Variants in THEMIS observed in about 807,000 individuals in gnomAD.
The protein encoded by THEMIS is protein THEMIS.
Under a neutral mutation model 52.6 loss-of-function variants are expected in THEMIS, and 37 were observed. The ratio of observed to expected loss-of-function variants is 0.70; its 90% confidence interval spans 0.54 to 0.93. THEMIS has a LOEUF of 0.93. Ranked by LOEUF, THEMIS falls within the 40% of genes least tolerant of loss-of-function variation. THEMIS has a pLI of 0.00. For missense variants in THEMIS, 808 were observed against 763.1 expected, an observed-to-expected ratio of 1.06 and a Z score of -0.69; for synonymous variants, 292 against 272.7, an observed-to-expected ratio of 1.07 and a Z score of -0.70.
At chr6:127,744,784 C>T (rs1006778547) in intron 4 of THEMIS, among the ~76,000 whole-genome samples, 7 of 151,714 alleles carry the variant, frequency 4.6e-5, no homozygotes, top group Non-Finnish European at 8.8e-5. Flanking sequence ...ACGATACAAT[C>T]CTGTGCATTT....
intron 1 of THEMIS, among the ~76,000 whole-genome samples, chr6:127,879,939 C>A (rs1277383761): frequency 6.6e-6 from 1 of 152,142 alleles, no homozygotes; most frequent in African/African-American, 2.4e-5. Flanking sequence ...GCGAAGCCCA[C>A]CCTGCCCAGA....
At chr6:127,845,513 C>T (rs1390893293) in intron 2 of THEMIS, among the ~76,000 whole-genome samples, 1 of 151,534 alleles carries the variant, frequency 6.6e-6, no homozygotes, top group East Asian at 1.9e-4. Context: ...AACTAACAAC[C>T]TGTAATCACG....
chr6:127,896,312 CAT>C (rs1450560338), intron 1 of THEMIS, among the ~76,000 whole-genome samples: 1 of 150,392 alleles, frequency 6.6e-6, no homozygotes, highest in Non-Finnish European at 1.5e-5. Context: ...GTACACATAA[CAT>C]ATACAAAATG....
Position 127,812,866 on chromosome 6 carries a change from CA to C in THEMIS, c.1758+16del. 6.4e-7 allele frequency: 1 copy of C among 1,551,492 alleles called. No homozygotes were observed. Among genetic ancestry groups the C allele is most frequent in the Non-Finnish European group, 8.7e-7 (1 of 1,149,944 alleles). On this transcript the variant is annotated intron_variant, in intron 4 of 5. Coordinates refer to ENST00000368248, the MANE Select transcript of THEMIS (RefSeq NM_001010923.3). ...GGAACACACTCCAGAGAAAACATTG[CA>C]AAACCATAGCCTTACCTTGGGAGAC...
intron 4 of THEMIS, among the ~76,000 whole-genome samples, chr6:127,736,880 G>A (rs1775027844): frequency 6.8e-6 from 1 of 146,280 alleles, no homozygotes; most frequent in South Asian, 2.2e-4. Flanking sequence ...AAAAATATTT[G>A]TCTGCTTCTC....
chr6:127,826,847 C>T (rs965189549), intron 3 of THEMIS, among the ~76,000 whole-genome samples: 4 of 152,040 alleles, frequency 2.6e-5, no homozygotes, highest in African/African-American at 9.7e-5. Context: ...TTTTCTAAAT[C>T]ATTAAATGTG....
chr6:127,890,236 T>C (rs913945139), intron 1 of THEMIS, among the ~76,000 whole-genome samples: 2 of 152,136 alleles, frequency 1.3e-5, no homozygotes, highest in African/African-American at 4.8e-5. Context: ...AATCACTGGG[T>C]CACATGATAA....
At chr6:127,905,292 A>T (rs1781241037), upstream of THEMIS, among the ~76,000 whole-genome samples, 2 of 152,190 alleles carry the variant, frequency 1.3e-5, no homozygotes, top group East Asian at 1.9e-4. Flanking sequence ...CACCAATAAG[A>T]TGATAGCTGA....
intron 2 of THEMIS, among the ~76,000 whole-genome samples, chr6:127,835,117 A>G (rs1562289248): frequency 1.3e-5 from 2 of 151,874 alleles, no homozygotes; most frequent in African/African-American, 4.9e-5. Flanking sequence ...TAGAGGTATC[A>G]GGGCTAGAAA....
chr6:127,777,528 AC>A, intron 4 of THEMIS, among the ~76,000 whole-genome samples: 2 of 152,306 alleles, frequency 1.3e-5, no homozygotes, highest in East Asian at 3.9e-4. Flanking sequence ...CCTAATAAGG[AC>A]TAAGTCTTTA....
chr6:127,785,067 TCTAC>T (rs777172103), intron 4 of THEMIS, among the ~76,000 whole-genome samples: 13 of 151,688 alleles, frequency 8.6e-5, no homozygotes, highest in Non-Finnish European at 1.6e-4. Flanking sequence ...TACTTATCTA[TCTAC>T]CTATCATCTA....
intron 5 of THEMIS, among the ~76,000 whole-genome samples, chr6:127,718,458 A>C (rs1388209644): frequency 6.6e-6 from 1 of 151,938 alleles, no homozygotes; most frequent in Non-Finnish European, 1.5e-5. Context: ...CAAGGCACAA[A>C]GCTGGGACTA....
chr6:127,830,332 T>A (rs889288590), intron 2 of THEMIS, among the ~76,000 whole-genome samples: 1 of 152,214 alleles, frequency 6.6e-6, no homozygotes, highest in African/African-American at 2.4e-5. Context: ...AGCTTTTTTA[T>A]GAATATATTC....
intron 4 of THEMIS, among the ~76,000 whole-genome samples, chr6:127,743,668 G>T (rs72965782): frequency 0.039 from 5,977 of 152,116 alleles, 144 homozygotes; most frequent in Middle Eastern, 0.065. Flanking sequence ...GTGCCCCCAG[G>T]CTGCTTCACA....
At chr6:127,902,790 A>G (rs12525721), upstream of THEMIS, among the ~76,000 whole-genome samples, 25,287 of 152,006 alleles carry the variant, frequency 0.17, 2,610 homozygotes, top group East Asian at 0.38. Context: ...AGTGTATTTC[A>G]TGTGGATGAA....
chr6:127,789,959 A>T (rs573436642), intron 4 of THEMIS, among the ~76,000 whole-genome samples: 1 of 152,324 alleles, frequency 6.6e-6, no homozygotes, highest in East Asian at 1.9e-4. Context: ...CCCTTTGAAA[A>T]CCAGCACAAG....
At chr6:127,869,784 GA>G (rs979987165) in intron 1 of THEMIS, among the ~76,000 whole-genome samples, 1 of 152,152 alleles carries the variant, frequency 6.6e-6, no homozygotes, top group African/African-American at 2.4e-5. Context: ...AAAGGGCTAG[GA>G]AAGGAACATC....
chr6:127,867,791 T>G (rs1780029719), intron 1 of THEMIS, among the ~76,000 whole-genome samples: 1 of 152,168 alleles, frequency 6.6e-6, no homozygotes, highest in South Asian at 2.1e-4. Context: ...CTGTAAATTT[T>G]ACATTGTCTT....
intron 1 of THEMIS, among the ~76,000 whole-genome samples, chr6:127,895,862 G>A (rs78814050): frequency 5.8e-4 from 88 of 151,062 alleles, no homozygotes; most frequent in South Asian, 4.4e-3. Flanking sequence ...AAGAAGTTCC[G>A]TAAGTTCAAC....
Sources: allele counts gnomAD v4.1 joint callset (sites outside exome capture counted in the v4.1 genomes callset), GRCh38; gene constraint gnomAD v4.1.1; transcripts MANE v1.5; gene names NCBI Gene and HGNC (gene_info 2026-07-23, HGNC 2026-07-21).